Variants in MBD5 observed in about 807,000 individuals in gnomAD.
The protein encoded by MBD5 is methyl-CpG binding domain protein 5.
A neutral mutation model predicts 117.3 loss-of-function variants in MBD5; 13 were observed. The observed-to-expected ratio is 0.11, with a 90% CI of 0.07 to 0.18. MBD5 has a LOEUF of 0.18. Ranked by LOEUF, MBD5 falls within the 10% of genes least tolerant of loss-of-function variation. The probability of loss-of-function intolerance (pLI) is 1.00; values close to 1 mark genes in which losing one functional copy is unlikely to be tolerated. For missense variants in MBD5, 1,879 were observed against 2,093.8 expected (o/e 0.90, Z 2.00); for synonymous variants, 727 against 766.4 (o/e 0.95, Z 0.85).
rs1281013281 is a variant in MBD5, at chr2:148,403,789, A to C, written c.-556-54414A>C. ...ATTTCGTTCAATACAATTCTGTCCC[A>C]TGTGCAGATTCATGTGTCTACCTTC... On this transcript the variant is annotated intron_variant, in intron 4 of 13. Transcript: ENST00000642680. Among the ~76,000 whole-genome samples, 5 of 152,206 alleles carry C rather than the reference A, an allele frequency of 3.3e-5. No homozygotes were observed. In the East Asian group the frequency reaches 9.7e-4, roughly 29 times the overall value.
At chr2:148,294,511 T>TTTGTTTTTTG (rs1701598914) in intron 3 of MBD5, among the ~76,000 whole-genome samples, 1 of 142,020 alleles carries the variant, frequency 7.0e-6, no homozygotes, top group African/African-American at 2.7e-5. Context: ...GTTTTTTTTT[T>TTTGTTTTTTG]TTTTTTTTTT....
chr2:148,458,604 T>A lies in MBD5; in HGVS notation c.-155T>A, dbSNP rs937391106. The A allele has an allele frequency of 3.0e-6, 2 of 674,862 alleles. No individual in the cohort carries two copies. The highest frequency in any genetic ancestry group is 4.6e-5 in the Admixed American group (2 of 43,894). 41.8% of individuals were successfully genotyped at this position (674,862 alleles called of 1,614,324 possible). A position where few individuals can be genotyped will look rare whatever the true frequency, so the allele number is the denominator to read the frequency against. On this transcript the variant is annotated 5_prime_UTR_variant, in exon 5 of 14. The change creates a premature stop within an existing upstream ORF in the 5' untranslated region. Coordinates refer to ENST00000642680, the MANE Select transcript of MBD5 (RefSeq NM_001378120.1). ...TTCACAATGGCATATTTCAAGGACT[T>A]GGTTCCAAACTGAGCTGAAGCTTCC...
chr2:148,278,311 T>C lies in MBD5; in HGVS notation c.-680+44916T>C, dbSNP rs565847656. Among the ~76,000 whole-genome samples, 4 of 152,266 alleles carry C rather than the reference T, an allele frequency of 2.6e-5. No individual in the cohort carries two copies. The East Asian group carries it at 7.7e-4, about 29-fold the overall frequency. On this transcript the variant is annotated intron_variant, in intron 3 of 13. Transcript: ENST00000642680. ...GTGTGTGATCTGTTTTCATGAATGTTCTGTGTGTGTTTGAAAGGAATGCTC... is the reference window on the plus strand; with the variant it reads ...GTGTGTGATCTGTTTTCATGAATGTCCTGTGTGTGTTTGAAAGGAATGCTC...
chr2:148,039,875 G>GA lies in MBD5; in HGVS notation c.-925+18196dup, dbSNP rs558543303. Among the ~76,000 whole-genome samples the GA allele has an allele frequency of 7.9e-5, 12 of 152,186 alleles. No homozygotes were observed. The South Asian group carries it at 2.3e-3, about 29-fold the overall frequency. On this transcript the variant is annotated intron_variant, in intron 1 of 13. Transcript: ENST00000642680. ...TCAAAATACCTGTTACTTAGTTTGA[G>GA]AAAAAGTGACTTTGGGCACATATTC...
chr2:148,280,143 A>AAC (rs1463797771), intron 3 of MBD5, among the ~76,000 whole-genome samples: 23 of 149,802 alleles, frequency 1.5e-4, no homozygotes, highest in Non-Finnish European at 3.0e-4. Context: ...AAAAAAAAAA[A>AAC]AAAAAAACAA....
At chr2:148,101,762 G>C (rs1696223841) in intron 1 of MBD5, among the ~76,000 whole-genome samples, 1 of 152,070 alleles carries the variant, frequency 6.6e-6, no homozygotes, top group South Asian at 2.1e-4. Context: ...GAAAAATTGT[G>C]TTCTCTCAGT....
chr2:148,443,308 TGG>T (rs1706385263), intron 4 of MBD5, among the ~76,000 whole-genome samples: 2 of 151,170 alleles, frequency 1.3e-5, no homozygotes, highest in Non-Finnish European at 2.9e-5. Context: ...AAATGTAAAT[TGG>T]GAATGTAAAG....
At chr2:148,257,585 G>T (rs751049831) in intron 3 of MBD5, among the ~76,000 whole-genome samples, 9 of 152,106 alleles carry the variant, frequency 5.9e-5, no homozygotes, top group Non-Finnish European at 1.5e-5. Context: ...GCCAAATGTC[G>T]CCACAAGAGG....
intron 3 of MBD5, among the ~76,000 whole-genome samples, chr2:148,272,450 T>G (rs533294132): frequency 6.6e-6 from 1 of 152,324 alleles, no homozygotes; most frequent in South Asian, 2.1e-4. Flanking sequence ...ACTTATTTTT[T>G]TTGTTTGTTT....
At chr2:148,327,661 C>G (rs28831467) in intron 3 of MBD5, among the ~76,000 whole-genome samples, 41,812 of 151,312 alleles carry the variant, frequency 0.28, 6,618 homozygotes, top group Admixed American at 0.37. Flanking sequence ...GCATTCTTCA[C>G]ATAGTTATCG....
At chr2:148,399,474 G>A (rs1275652926) in intron 4 of MBD5, among the ~76,000 whole-genome samples, 2 of 152,170 alleles carry the variant, frequency 1.3e-5, no homozygotes, top group Non-Finnish European at 2.9e-5. Flanking sequence ...TGGTGTATAA[G>A]AATGCTTGTG....
chr2:148,100,770 G>C (rs981219648), intron 1 of MBD5, among the ~76,000 whole-genome samples: 1 of 152,182 alleles, frequency 6.6e-6, no homozygotes, highest in Non-Finnish European at 1.5e-5. Context: ...TTTATCCTTT[G>C]TATGACCTAT....
At chr2:148,490,702 C>T in intron 11 of MBD5, 108 bp downstream of exon 11, 1 of 1,393,770 alleles carries the variant, frequency 7.2e-7, no homozygotes, top group Non-Finnish European at 9.9e-7. Flanking sequence ...TAGGATTCTT[C>T]ATGACTCATT....
chr2:148,289,626 T>C (rs1430726766), intron 3 of MBD5, among the ~76,000 whole-genome samples: 1 of 152,190 alleles, frequency 6.6e-6, no homozygotes, highest in East Asian at 1.9e-4. Context: ...CACAGGAAAC[T>C]TTACAACATT....
chr2:148,379,602 G>A (rs1369735821), intron 4 of MBD5, among the ~76,000 whole-genome samples: 1 of 152,070 alleles, frequency 6.6e-6, no homozygotes, highest in African/African-American at 2.4e-5. Flanking sequence ...ATTGGCAAAT[G>A]TGAGTAAATC....
At position 148,490,099 on chromosome 2, in the gene MBD5, G is replaced by A; in HGVS notation, c.4467G>A (p.Gly1489=). ...TGTTACCACCAAGAAACTGTCCAGG[G>A]GATAAAATTCTAGAGGAAAATTTCA... ...PILLPPRNCP[G]DKILEENFRY... Residue 1489 remains glycine, a synonymous_variant, in exon 11 of 14, where the codon GGG becomes GGA. Coordinates refer to ENST00000642680, the MANE Select transcript of MBD5 (RefSeq NM_001378120.1). 6.2e-7 allele frequency: 1 copy of A among 1,613,798 alleles called. No homozygotes were observed.
intron 4 of MBD5, among the ~76,000 whole-genome samples, chr2:148,426,384 C>T (rs183271892): frequency 0.24 from 36,403 of 150,140 alleles, 4,688 homozygotes; most frequent in African/African-American, 0.39. Context: ...AGGCATCACA[C>T]TACCTGACTT....
At chr2:148,329,915 A>G (rs1211121794) in intron 3 of MBD5, among the ~76,000 whole-genome samples, 1 of 152,028 alleles carries the variant, frequency 6.6e-6, no homozygotes, top group East Asian at 1.9e-4. Flanking sequence ...TACCATTTGC[A>G]TGCTGCTTTG....
chr2:148,324,743 A>C (rs1372045859), intron 3 of MBD5, among the ~76,000 whole-genome samples: 1 of 152,288 alleles, frequency 6.6e-6, no homozygotes, highest in East Asian at 1.9e-4. Flanking sequence ...GGCTGAGACA[A>C]GGGGGTTGTC....
Sources: gnomAD v4.1 joint callset for allele counts (sites outside exome capture counted in the v4.1 genomes callset) on GRCh38, gnomAD v4.1.1 for gene constraint, MANE v1.5 for transcripts, NCBI Gene and HGNC (gene_info 2026-07-23, HGNC 2026-07-21) for gene names.